The following TMEM11 variants were observed in gnomAD, a reference collection of about 807,000 sequenced individuals.
TMEM11 encodes the protein transmembrane protein 11.
In TMEM11, 1 loss-of-function variant was observed where a neutral mutation model predicts 17.0. The ratio of observed to expected loss-of-function variants is 0.06; its 90% CI spans 0.02 to 0.28. The LOEUF (loss-of-function observed/expected upper bound fraction) is 0.28, where lower values mean the gene tolerates loss of function less well. TMEM11 is among the 10% of genes least tolerant of loss of function. The pLI is 1.00. For synonymous variants in TMEM11, 122 were observed against 118.1 expected, an observed-to-expected ratio of 1.03 and a Z score of -0.21; for missense variants, 172 against 252.9, an observed-to-expected ratio of 0.68 and a Z score of 2.17.
intron 1 of TMEM11, among the ~76,000 whole-genome samples, chr17:21,199,239 A>G (rs1178429725): frequency 6.7e-6 from 1 of 148,748 alleles, no homozygotes; most frequent in Non-Finnish European, 1.5e-5. Flanking sequence ...AGGCAGGAGA[A>G]TCACTTGAAC....
intron 1 of TMEM11, among the ~76,000 whole-genome samples, chr17:21,201,533 G>A (rs1974883603): frequency 6.6e-6 from 1 of 152,128 alleles, no homozygotes; most frequent in Admixed American, 6.6e-5. Flanking sequence ...GGAAAGGAGG[G>A]TTTTCCTTCT....
At position 21,198,143 on chromosome 17, in the gene TMEM11, C is replaced by T; in HGVS notation, c.*181G>A. The stretch of plus-strand genomic sequence containing the variant: ...CCCCCTCTTGGGTTATGGAAATCCA[C>T]ATCTTAGTGTAATGAGCTGAAAAAC... On this transcript the variant is annotated 3_prime_UTR_variant, in exon 2 of 2. Transcript: ENST00000317635. The surrounding 1 kb of genome is among the most constrained non-coding windows in gnomAD (Gnocchi z 6.5). 1.3e-6 allele frequency: 1 copy of T among 746,278 alleles called. No homozygotes were observed. Among genetic ancestry groups the T allele is most frequent in the Non-Finnish European group, 2.1e-6 (1 of 478,168 alleles). The allele number at this position is 746,278 out of a possible 1,614,324, so 46.2% of individuals were successfully genotyped here. A position where few individuals can be genotyped will look rare whatever the true frequency, so the allele number is the denominator to read the frequency against.
At position 21,203,785 on chromosome 17, in the gene TMEM11, C is replaced by T. The variant is rs117417236; in HGVS notation, c.63-4945G>A. Reference sequence around the variant, plus strand: ...AGCTCCTGACCACCCAGCAGCCACCCGTATATGGCTTGCTTCTGCTTGTGG... The same window carrying T: ...AGCTCCTGACCACCCAGCAGCCACCTGTATATGGCTTGCTTCTGCTTGTGG... On this transcript the variant is annotated intron_variant, in intron 1 of 1. Coordinates refer to ENST00000317635, the MANE Select transcript of TMEM11 (RefSeq NM_003876.3). 6.3e-3 allele frequency among the ~76,000 whole-genome samples: 958 copies of T among 151,846 alleles called. 9 individuals are homozygous for T. The highest frequency in any genetic ancestry group is 0.011 in the Non-Finnish European group (733 of 67,954).
chr17:21,198,309 C>T lies in TMEM11; in HGVS notation c.*15G>A. The T allele has an allele frequency of 6.3e-7, 1 of 1,599,628 alleles. No individual in the cohort carries two copies. The highest frequency in any genetic ancestry group is 8.6e-7 in the Non-Finnish European group (1 of 1,169,344). ...TGGGCCGGGTGGTTTTGCTTCGCTC[C>T]CTGTTCTACTGAAATCATACGGCAT... On this transcript the variant is annotated 3_prime_UTR_variant, in exon 2 of 2. Coordinates refer to ENST00000317635, the MANE Select transcript of TMEM11 (RefSeq NM_003876.3). This position sits in a 1 kb window ranked among gnomAD's most constrained non-coding sequence, Gnocchi z 6.5.
chr17:21,205,229 CAAG>C (rs1251415095), intron 1 of TMEM11, among the ~76,000 whole-genome samples: 1 of 152,154 alleles, frequency 6.6e-6, no homozygotes, highest in Non-Finnish European at 1.5e-5. Context: ...AAGAGCCGCA[CAAG>C]AAGGTTCAGA....
At chr17:21,209,642 G>T (rs1445279167) in intron 1 of TMEM11, among the ~76,000 whole-genome samples, 1 of 152,134 alleles carries the variant, frequency 6.6e-6, no homozygotes, top group African/African-American at 2.4e-5. Context: ...GGTGGTACAT[G>T]CCTGTGGTCC....
chr17:21,210,267 A>G (rs2144310705), intron 1 of TMEM11, among the ~76,000 whole-genome samples: 1 of 152,312 alleles, frequency 6.6e-6, no homozygotes, highest in Admixed American at 6.5e-5. Flanking sequence ...ACTTGAAGGC[A>G]CATCAATACT....
chr17:21,214,143 A>T lies in TMEM11; in HGVS notation c.10T>A (p.Trp4Arg), dbSNP rs1975036774. The change falls in exon 1 of 2, where the codon TGG (tryptophan) becomes AGG (arginine). Residue 4 changes from tryptophan (W) to arginine (R), a missense_variant. Around this residue, in one of 2 missense-constraint regions of TMEM11, gnomAD observed 49 missense variants for 39.3 expected, o/e 1.25. Transcript: ENST00000317635. ...CCCGGGCCAAGACGCCTCCTTCCCC[A>T]AGCGGCCATCTTGGAGACACTCTGC... MAA[W>R]GRRRLGPGSS... The T allele has an allele frequency of 3.1e-6, 5 of 1,612,436 alleles. No individual in the cohort carries two copies. The South Asian group carries it at 5.5e-5, about 18-fold the overall frequency.
At position 21,213,763 on chromosome 17, in the gene TMEM11, C is replaced by A. The variant is rs1451017650; in HGVS notation, c.62+328G>T. On this transcript the variant is annotated intron_variant, in intron 1 of 1. Coordinates refer to ENST00000317635, the MANE Select transcript of TMEM11 (RefSeq NM_003876.3). Reference sequence around the variant, plus strand: ...GAAGGGTGCTTCAGCAGCCGATCGGCCCGCGGGCAGCTAGGCGGGTCCCTG... The same window carrying A: ...GAAGGGTGCTTCAGCAGCCGATCGGACCGCGGGCAGCTAGGCGGGTCCCTG... 13 of 330,250 alleles carry A rather than the reference C, an allele frequency of 3.9e-5. No individual in the cohort carries two copies. In the East Asian group the frequency reaches 7.9e-4, roughly 20 times the overall value. 20.5% of individuals were successfully genotyped at this position (330,250 alleles called of 1,614,324 possible).
intron 1 of TMEM11, among the ~76,000 whole-genome samples, chr17:21,200,840 G>C (rs1229350746): frequency 6.6e-6 from 1 of 152,244 alleles, no homozygotes; most frequent in Non-Finnish European, 1.5e-5. Flanking sequence ...GGAGAGTCAT[G>C]GGGAGCTGAG....
intron 1 of TMEM11, among the ~76,000 whole-genome samples, chr17:21,200,141 C>A (rs1974867692): frequency 6.6e-6 from 1 of 152,234 alleles, no homozygotes; most frequent in South Asian, 2.1e-4. Context: ...AGACGGCAGC[C>A]CGGCTGCAGC....
chr17:21,205,116 G>A (rs1031864531), intron 1 of TMEM11, among the ~76,000 whole-genome samples: 1 of 152,102 alleles, frequency 6.6e-6, no homozygotes, highest in Non-Finnish European at 1.5e-5. Flanking sequence ...TTAAAAGGCG[G>A]CCACAGTGAA....
At chr17:21,206,047 T>TGGG (rs35584579) in intron 1 of TMEM11, among the ~76,000 whole-genome samples, 1 of 149,214 alleles carries the variant, frequency 6.7e-6, no homozygotes, top group East Asian at 2.0e-4. Flanking sequence ...CTGCTTTTTT[T>TGGG]GGGGGGGGGG....
At chr17:21,199,367 G>A (rs1028669295) in intron 1 of TMEM11, among the ~76,000 whole-genome samples, 1 of 130,420 alleles carries the variant, frequency 7.7e-6, no homozygotes, top group African/African-American at 2.7e-5. Flanking sequence ...GGCAGGAAAA[G>A]CAGTGCCTCG....
Position 21,198,210 on chromosome 17 carries a change from A to G in TMEM11, c.*114T>C. 1 of 1,351,218 alleles carries G rather than the reference A, an allele frequency of 7.4e-7. No individual in the cohort carries two copies. The highest frequency in any genetic ancestry group is 1.0e-6 in the Non-Finnish European group (1 of 986,174). The allele number at this position is 1,351,218 out of a possible 1,614,324, so 83.7% of individuals were successfully genotyped here. On this transcript the variant is annotated 3_prime_UTR_variant, in exon 2 of 2. Coordinates refer to ENST00000317635, the MANE Select transcript of TMEM11 (RefSeq NM_003876.3). The surrounding 1 kb of genome is among the most constrained non-coding windows in gnomAD (Gnocchi z 6.5). Reference sequence around the variant, plus strand: ...ATCTGTTATTTTTTAAAAATAACAAATACTAAGCCAAACACCTGCCCAGGC... The same window carrying G: ...ATCTGTTATTTTTTAAAAATAACAAGTACTAAGCCAAACACCTGCCCAGGC...
At chr17:21,204,830 A>C (rs917277798) in intron 1 of TMEM11, among the ~76,000 whole-genome samples, 1 of 152,132 alleles carries the variant, frequency 6.6e-6, no homozygotes, top group Non-Finnish European at 1.5e-5. Flanking sequence ...ACATCATGCC[A>C]GCACTGAGGA....
chr17:21,203,411 C>G (rs1974904788), intron 1 of TMEM11, among the ~76,000 whole-genome samples: 1 of 152,228 alleles, frequency 6.6e-6, no homozygotes, highest in African/African-American at 2.4e-5. Context: ...CTGCACTTCT[C>G]TTACTTCAGA....
At chr17:21,213,847 A>C in intron 1 of TMEM11, 18 of 382,416 alleles carry the variant, frequency 4.7e-5, no homozygotes, top group South Asian at 1.2e-4. Flanking sequence ...CCCGCCCCGC[A>C]TGGCCGCTGC....
chr17:21,209,799 C>T (rs1435820325), intron 1 of TMEM11, among the ~76,000 whole-genome samples: 1 of 152,102 alleles, frequency 6.6e-6, no homozygotes, highest in Non-Finnish European at 1.5e-5. Context: ...AACCTCAGTT[C>T]CTCAGAGCCA....
Sources: allele counts gnomAD v4.1 joint callset (sites outside exome capture counted in the v4.1 genomes callset), GRCh38; gene constraint gnomAD v4.1.1; regional missense constraint gnomAD v4.1.1; non-coding constraint Gnocchi (gnomAD v3.1); transcripts MANE v1.5; gene names NCBI Gene and HGNC (gene_info 2026-07-23, HGNC 2026-07-21).